SLC48A1: variants seen among roughly 807,000 people sequenced by gnomAD.
SLC48A1 encodes the protein solute carrier family 48 member 1, also known as heme transporter HRG1.
A neutral mutation model predicts 14.8 loss-of-function variants in SLC48A1; 6 were observed. That is an observed-to-expected ratio of 0.41 (90% confidence interval 0.22 to 0.80). SLC48A1 has a LOEUF of 0.80. SLC48A1 is among the 30% of genes least tolerant of loss of function. SLC48A1 has a pLI of 0.34. For synonymous variants in SLC48A1, 89 were observed against 90.0 expected (o/e 0.99, Z 0.06); for missense variants, 165 against 204.8 (o/e 0.81, Z 1.19).
upstream of SLC48A1, among the ~76,000 whole-genome samples, chr12:47,767,225 A>G (rs1319529319): frequency 1.3e-5 from 2 of 152,088 alleles, no homozygotes; most frequent in Admixed American, 1.3e-4. Flanking sequence ...AGGGGACCAC[A>G]TAAGGTCTAG....
chr12:47,757,958 T>C (rs1473811743), upstream of SLC48A1: 2 of 1,560,720 alleles, frequency 1.3e-6, no homozygotes, highest in African/African-American at 2.7e-5. Context: ...CTCAACACCA[T>C]GTTGAGTAGT....
At chr12:47,758,747 T>A in intron 1 of SLC48A1, 3 of 1,242,760 alleles carry the variant, frequency 2.4e-6, no homozygotes, top group Non-Finnish European at 3.0e-6. Flanking sequence ...GAGAGGCTCC[T>A]CTTGGGTGAG....
chr12:47,776,752 A>T (rs915701828), intron 1 of SLC48A1, among the ~76,000 whole-genome samples: 3 of 152,082 alleles, frequency 2.0e-5, no homozygotes, highest in African/African-American at 7.2e-5. Flanking sequence ...CCTCTTTGGT[A>T]TGTGCATGTA....
chr12:47,771,290 C>T (rs1242588929), upstream of SLC48A1, among the ~76,000 whole-genome samples: 2 of 152,190 alleles, frequency 1.3e-5, no homozygotes, highest in Admixed American at 1.3e-4. Context: ...CCTTCATTCA[C>T]TCACACTCAC....
In SLC48A1 at chr12:47,781,622, T is replaced by A. The variant is rs1942879920; in HGVS notation, c.*1341T>A. The A allele has an allele frequency of 6.5e-6, 1 of 152,748 alleles. No homozygotes were observed. Among genetic ancestry groups the A allele is most frequent in the Non-Finnish European group, 1.5e-5 (1 of 68,130 alleles). The allele number at this position is 152,748 out of a possible 1,614,324, so 9.5% of individuals were successfully genotyped here. A position where few individuals can be genotyped will look rare whatever the true frequency, so the allele number is the denominator to read the frequency against. ...TGTCCTGCCCCTCAGCTCTTTGCCT[T>A]ATCTGTGTCACTGTCACTTTAGCAA... On this transcript the variant is annotated 3_prime_UTR_variant, in exon 3 of 3. Transcript: ENST00000442218.
rs902286376 is a variant in SLC48A1 at position 47,781,063 on chromosome 12, A to T, written c.*782A>T. On this transcript the variant is annotated 3_prime_UTR_variant, in exon 3 of 3. Transcript: ENST00000442218. ...AGGTCAGTTCAGAAATATCTAGCAG[A>T]GACCTCTTAAACCCCCATCCCAGCA... 2 of 363,142 alleles carry T rather than the reference A, an allele frequency of 5.5e-6. No homozygotes were observed. Among genetic ancestry groups the T allele is most frequent in the African/African-American group, 4.3e-5 (2 of 47,018 alleles). 22.5% of individuals were successfully genotyped at this position (363,142 alleles called of 1,614,324 possible).
At chr12:47,758,754 T>G in intron 1 of SLC48A1, 1 of 1,265,404 alleles carries the variant, frequency 7.9e-7, no homozygotes, top group South Asian at 2.6e-5. Context: ...TCCTCTTGGG[T>G]GAGTAGAGGG....
chr12:47,780,014 C>T, intron 2 of SLC48A1, 131 bp from the exon 3 acceptor site: 3 of 1,175,468 alleles, frequency 2.6e-6, no homozygotes, highest in South Asian at 3.4e-5. Flanking sequence ...CAGTGTCTTT[C>T]TGAAGGGTTG....
At chr12:47,758,109 T>G, upstream of SLC48A1, 1 of 1,544,750 alleles carries the variant, frequency 6.5e-7, no homozygotes, top group Non-Finnish European at 8.7e-7. Flanking sequence ...TGGACAGCCA[T>G]GGGACACGAC....
chr12:47,758,036 C>T (rs755530927), upstream of SLC48A1: 38 of 1,576,000 alleles, frequency 2.4e-5, no homozygotes, highest in Middle Eastern at 5.2e-4. Flanking sequence ...CTATCCTCCA[C>T]AGCCAGGCCC....
At chr12:47,765,306 T>C (rs1246641699) in intron 2 of SLC48A1, among the ~76,000 whole-genome samples, 1 of 151,898 alleles carries the variant, frequency 6.6e-6, no homozygotes, top group African/African-American at 2.4e-5. Flanking sequence ...AAGTCTGCAG[T>C]TCTGCCTGAG....
chr12:47,762,284 C>T (rs748255471), intron 2 of SLC48A1, among the ~76,000 whole-genome samples: 4 of 137,588 alleles, frequency 2.9e-5, no homozygotes, highest in Non-Finnish European at 6.5e-5. Context: ...TTCCCCACCT[C>T]GGCCTCTTTG....
upstream of SLC48A1, chr12:47,758,160 T>C: frequency 1.3e-6 from 2 of 1,495,280 alleles, no homozygotes; most frequent in Non-Finnish European, 1.8e-6. Flanking sequence ...CAGGCAGAAC[T>C]ACTTCCTTAG....
chr12:47,778,347 A>G (rs747702338), intron 1 of SLC48A1: 3 of 152,290 alleles, frequency 2.0e-5, no homozygotes, highest in African/African-American at 4.8e-5. Flanking sequence ...GCCAAGAACA[A>G]TAAGGCCACT....
chr12:47,758,689 G>C (rs1942254097), intron 1 of SLC48A1: 1 of 1,473,554 alleles, frequency 6.8e-7, no homozygotes, highest in South Asian at 1.4e-5. Flanking sequence ...AACTGGGCCA[G>C]TGCCTAGCTG....
At chr12:47,765,065 A>C (rs1226838296) in intron 2 of SLC48A1, among the ~76,000 whole-genome samples, 1 of 121,470 alleles carries the variant, frequency 8.2e-6, no homozygotes, top group African/African-American at 3.2e-5. Flanking sequence ...CAACAGAGTG[A>C]GACTCTGTCT....
intron 2 of SLC48A1, among the ~76,000 whole-genome samples, chr12:47,765,076 CAAAAAAAAAAAAAAAAAAAAA>C (rs750174911): frequency 9.4e-4 from 36 of 38,186 alleles, no homozygotes; most frequent in African/African-American, 4.5e-3. Context: ...GACTCTGTCT[CAAAAAAAAAAAAAAAAAAAAA>C]AAAAAAAAAA....
upstream of SLC48A1, chr12:47,758,428 A>G: frequency 1.3e-6 from 2 of 1,558,932 alleles, no homozygotes; most frequent in Non-Finnish European, 1.7e-6. Flanking sequence ...CTTCGGCTTA[A>G]ACCCTTCTCC....
At chr12:47,758,667 C>A in intron 1 of SLC48A1, 1 of 1,560,186 alleles carries the variant, frequency 6.4e-7, no homozygotes, top group South Asian at 1.2e-5. Context: ...GTGGGTAAGT[C>A]CAGGTACAGT....
Sources: gnomAD v4.1 joint callset for allele counts (sites outside exome capture counted in the v4.1 genomes callset) on GRCh38, gnomAD v4.1.1 for gene constraint, MANE v1.5 for transcripts, NCBI Gene and HGNC (gene_info 2026-07-23, HGNC 2026-07-21) for gene names.